Variants in GALNT17 observed in about 807,000 individuals in gnomAD.
GALNT17 encodes the protein polypeptide N-acetylgalactosaminyltransferase 17, also known as UDP-GalNAc:polypeptide N-acetylgalactosaminyltransferase-like 3.
In GALNT17, 29 loss-of-function variants were observed where a neutral mutation model predicts 63.7. The observed-to-expected ratio is 0.46, with a 90% confidence interval of 0.34 to 0.62. The LOEUF is 0.62. Among genes scored for constraint, GALNT17 ranks in the 20% least tolerant of loss-of-function variants. The probability of loss-of-function intolerance (pLI) is 0.01; values close to 1 mark genes in which losing one functional copy is unlikely to be tolerated. For synonymous variants in GALNT17, 305 were observed against 318.3 expected (o/e 0.96, Z 0.45); for missense variants, 603 against 799.6 (o/e 0.75, Z 2.97).
rs1460279461 is a variant in GALNT17 at position 71,637,273 on chromosome 7, T to A, written c.1081-28138T>A. ...CGATCTCGGCTCACTGCAACCTCCATCTCCCAGGTTCAAGTGATTCCCCTG... is the reference window on the plus strand; with the variant it reads ...CGATCTCGGCTCACTGCAACCTCCAACTCCCAGGTTCAAGTGATTCCCCTG... On this transcript the variant is annotated intron_variant, in intron 6 of 10. Coordinates refer to ENST00000333538, the MANE Select transcript of GALNT17 (RefSeq NM_022479.3). Among the ~76,000 whole-genome samples the A allele has an allele frequency of 1.3e-5, 2 of 152,134 alleles. 1 individual carries two copies. The highest frequency in any genetic ancestry group is 4.2e-4 in the South Asian group (2 of 4,814).
intron 5 of GALNT17, among the ~76,000 whole-genome samples, chr7:71,458,436 T>C (rs1267643283): frequency 2.6e-5 from 4 of 152,178 alleles, no homozygotes; most frequent in African/African-American, 9.7e-5. Flanking sequence ...TGGGTGCCTG[T>C]GGCTGCCAAA....
chr7:71,643,167 A>G (rs1290803703), intron 6 of GALNT17, among the ~76,000 whole-genome samples: 1 of 149,628 alleles, frequency 6.7e-6, no homozygotes, highest in East Asian at 1.9e-4. Flanking sequence ...GCTATTCAGA[A>G]CTATCAAAAC....
At chr7:71,650,799 C>G (rs1409380364) in intron 6 of GALNT17, among the ~76,000 whole-genome samples, 1 of 152,172 alleles carries the variant, frequency 6.6e-6, no homozygotes, top group Non-Finnish European at 1.5e-5. Context: ...CCCTGCTCTG[C>G]CAGCTTCTAC....
chr7:71,290,905 C>G (rs982955778), intron 1 of GALNT17, among the ~76,000 whole-genome samples: 2 of 152,162 alleles, frequency 1.3e-5, no homozygotes, highest in African/African-American at 4.8e-5. Flanking sequence ...CTCTGCCTCG[C>G]TCTGTGACCC....
chr7:71,268,036 A>G (rs923360955), intron 1 of GALNT17, among the ~76,000 whole-genome samples: 4 of 152,030 alleles, frequency 2.6e-5, no homozygotes, highest in African/African-American at 9.7e-5. Context: ...CGTGTTTGCC[A>G]TTTTTTCAGA....
chr7:71,233,907 G>A (rs1279598305), intron 1 of GALNT17, among the ~76,000 whole-genome samples: 1 of 152,184 alleles, frequency 6.6e-6, no homozygotes, highest in Non-Finnish European at 1.5e-5. Flanking sequence ...CAAAGGGGAA[G>A]CAGGCACGTC....
chr7:71,158,867 G>A (rs893755234), intron 1 of GALNT17, among the ~76,000 whole-genome samples: 3 of 151,766 alleles, frequency 2.0e-5, no homozygotes, highest in Non-Finnish European at 2.9e-5. Context: ...GAGCCACCAC[G>A]CCCGGCAATT....
chr7:71,399,795 A>G (rs1164335739), intron 3 of GALNT17, among the ~76,000 whole-genome samples: 1 of 152,104 alleles, frequency 6.6e-6, no homozygotes, highest in African/African-American at 2.4e-5. Context: ...GAATTTTATT[A>G]ATCTTTGCCA....
At chr7:71,701,700 A>C (rs1203212392) in intron 9 of GALNT17, among the ~76,000 whole-genome samples, 2 of 149,504 alleles carry the variant, frequency 1.3e-5, no homozygotes, top group African/African-American at 2.5e-5. Flanking sequence ...TCAAGAGTGG[A>C]TGGGATAAAG....
chr7:71,695,836 C>T (rs573540026), intron 9 of GALNT17, among the ~76,000 whole-genome samples: 1 of 152,154 alleles, frequency 6.6e-6, no homozygotes, highest in East Asian at 1.9e-4. Context: ...ATCCTCCATG[C>T]CTGGGACTGG....
chr7:71,323,916 T>C (rs1791659679), intron 1 of GALNT17, among the ~76,000 whole-genome samples: 1 of 152,220 alleles, frequency 6.6e-6, no homozygotes, highest in Non-Finnish European at 1.5e-5. Context: ...TAGACTATGA[T>C]ATCAGAAATG....
chr7:71,407,941 G>A (rs1300117621), intron 3 of GALNT17, among the ~76,000 whole-genome samples: 1 of 152,132 alleles, frequency 6.6e-6, no homozygotes, highest in Admixed American at 6.5e-5. Context: ...TGCTCAATGG[G>A]TATGGGGTTT....
chr7:71,442,060 A>T (rs910270223), intron 5 of GALNT17, among the ~76,000 whole-genome samples: 1 of 152,180 alleles, frequency 6.6e-6, no homozygotes, highest in Non-Finnish European at 1.5e-5. Context: ...GAATCGCCAC[A>T]CTGTCTTCCA....
intron 5 of GALNT17, among the ~76,000 whole-genome samples, chr7:71,425,255 G>T (rs1786737191): frequency 6.6e-6 from 1 of 151,590 alleles, no homozygotes; most frequent in South Asian, 2.1e-4. Context: ...ACAAAGTCTA[G>T]CTCTGTCGCC....
intron 5 of GALNT17, among the ~76,000 whole-genome samples, chr7:71,470,100 T>G (rs754333115): frequency 3.3e-5 from 5 of 152,096 alleles, no homozygotes; most frequent in Admixed American, 6.6e-5. Context: ...TCCCAGCTAC[T>G]CAGGTGGCTG....
In GALNT17 at chr7:71,420,978, A is replaced by G; in HGVS notation, c.835A>G (p.Lys279Glu). The change falls in exon 5 of 11, where the codon AAA (lysine) becomes GAA (glutamate). Residue 279 changes from lysine (K) to glutamate (E), a missense_variant. Coordinates refer to ENST00000333538, the MANE Select transcript of GALNT17 (RefSeq NM_022479.3). ...GATCCTCCCCTCCATTGACAACATCAAACAGGACAACTTTGAGGTGCAGCG... is the reference window on the plus strand; with the variant it reads ...GATCCTCCCCTCCATTGACAACATCGAACAGGACAACTTTGAGGTGCAGCG... Reference protein sequence around the residue: ...RVILPSIDNIKQDNFEVQRYE... With the variant: ...RVILPSIDNIEQDNFEVQRYE... 1.2e-6 allele frequency: 2 copies of G among 1,614,152 alleles called. No homozygotes were observed. The highest frequency in any genetic ancestry group is 8.5e-7 in the Non-Finnish European group (1 of 1,180,016).
intron 5 of GALNT17, among the ~76,000 whole-genome samples, chr7:71,505,981 C>T (rs1788259562): frequency 6.6e-6 from 1 of 151,768 alleles, no homozygotes; most frequent in African/African-American, 2.4e-5. Context: ...TCTTTCTCTG[C>T]CTCTTGGCTA....
At chr7:71,194,657 T>C (rs1055512768) in intron 1 of GALNT17, among the ~76,000 whole-genome samples, 1 of 152,182 alleles carries the variant, frequency 6.6e-6, no homozygotes, top group African/African-American at 2.4e-5. Context: ...AGCCACTCAA[T>C]CCCTCTGTAC....
intron 1 of GALNT17, among the ~76,000 whole-genome samples, chr7:71,226,468 A>C (rs1789681369): frequency 6.6e-6 from 1 of 151,864 alleles, no homozygotes; most frequent in Non-Finnish European, 1.5e-5. Flanking sequence ...CCTCTGTTCC[A>C]CTGGGGCATG....
Sources: allele counts gnomAD v4.1 joint callset (sites outside exome capture counted in the v4.1 genomes callset), GRCh38; gene constraint gnomAD v4.1.1; transcripts MANE v1.5; gene names NCBI Gene and HGNC (gene_info 2026-07-23, HGNC 2026-07-21).